The following FARP2 variants were observed in gnomAD, a reference collection of about 807,000 sequenced individuals.
FARP2 encodes the protein FERM, ARH/RhoGEF and pleckstrin domain protein 2.
A neutral mutation model predicts 130.5 loss-of-function variants in FARP2; 111 were observed. The ratio of observed to expected loss-of-function variants is 0.85; its 90% CI spans 0.73 to 1.00. The LOEUF is 1.00. Among genes scored for constraint, FARP2 ranks in the 50% least tolerant of loss-of-function variants. FARP2 has a pLI of 0.00. For missense variants in FARP2, 1,385 were observed against 1,346.3 expected (o/e 1.03, Z -0.45); for synonymous variants, 504 against 516.9 (o/e 0.98, Z 0.34).
intron 6 of FARP2, among the ~76,000 whole-genome samples, 171 bp from the exon 7 acceptor site, chr2:241,413,136 T>C (rs2062566872): frequency 6.6e-6 from 1 of 152,228 alleles, no homozygotes; most frequent in South Asian, 2.1e-4. Flanking sequence ...ATTTGCCTTT[T>C]AACAGCATAA....
At chr2:241,366,553 A>G (rs987177417) in intron 1 of FARP2, among the ~76,000 whole-genome samples, 3 of 152,094 alleles carry the variant, frequency 2.0e-5, no homozygotes, top group Non-Finnish European at 4.4e-5. Flanking sequence ...TCTGTGTACT[A>G]TGTTGCTGAA....
At chr2:241,404,616 G>A (rs906020683) in intron 3 of FARP2, among the ~76,000 whole-genome samples, 183 bp from the exon 4 acceptor site, 1 of 152,142 alleles carries the variant, frequency 6.6e-6, no homozygotes, top group Non-Finnish European at 1.5e-5. Flanking sequence ...TCCCAAAGCA[G>A]GCATTGCTGT....
At chr2:241,363,670 A>G (rs1049014247) in intron 1 of FARP2, among the ~76,000 whole-genome samples, 3 of 152,270 alleles carry the variant, frequency 2.0e-5, no homozygotes, top group Non-Finnish European at 4.4e-5. Flanking sequence ...TAGGGACCGC[A>G]GGACATTGCT....
intron 9 of FARP2, 106 bp from the exon 10 acceptor site, chr2:241,434,051 GA>G: frequency 1.1e-6 from 1 of 899,684 alleles, no homozygotes; most frequent in Non-Finnish European, 1.7e-6. Context: ...AAACCTTACT[GA>G]TTTTTAATTT....
chr2:241,425,428 A>G (rs907769234), intron 8 of FARP2, among the ~76,000 whole-genome samples: 17 of 152,110 alleles, frequency 1.1e-4, no homozygotes, highest in African/African-American at 9.7e-5. Context: ...TTTGCAGTCT[A>G]TCCATCCAAC....
chr2:241,378,843 A>G (rs1042539572), intron 2 of FARP2, among the ~76,000 whole-genome samples: 1 of 152,340 alleles, frequency 6.6e-6, no homozygotes, highest in Admixed American at 6.5e-5. Context: ...TTAATGGGAT[A>G]TTTAGCTAAT....
At chr2:241,429,701 T>C (rs1296491964) in intron 8 of FARP2, among the ~76,000 whole-genome samples, 1 of 150,934 alleles carries the variant, frequency 6.6e-6, no homozygotes, top group African/African-American at 2.4e-5. Flanking sequence ...CTGGGCAACA[T>C]AGCAAGACCC....
intron 8 of FARP2, 31 bp from the exon 9 acceptor site, chr2:241,431,647 CA>C: frequency 1.8e-6 from 2 of 1,119,572 alleles, no homozygotes; most frequent in Non-Finnish European, 2.7e-6. Flanking sequence ...GTGCCAGATA[CA>C]AATGTAATCT....
chr2:241,479,950 G>C (rs2064573145), intron 19 of FARP2, among the ~76,000 whole-genome samples: 1 of 152,208 alleles, frequency 6.6e-6, no homozygotes, highest in African/African-American at 2.4e-5. Context: ...CAGCCTTTCT[G>C]GGATGTTTGG....
Position 241,418,063 on chromosome 2 carries a change from C to G in FARP2, c.725C>G (p.Thr242Ser). The stretch of plus-strand genomic sequence containing the variant: ...CACATGGCTTCTGACAGGGAAGGAA[C>G]CAAGATTCAACTGGCAGTTTCCCAC... ...RFHMASDREG[T>S]KIQLAVSHMG... is the part of the protein sequence containing the mutation. Residue 242 changes from threonine to serine, a missense_variant, in exon 8 of 27, where the codon ACC becomes AGC. By Grantham distance (58) the Thr-to-Ser change is moderately conservative (BLOSUM62 1). Transcript: ENST00000264042. 1 of 1,614,116 alleles carries G rather than the reference C, an allele frequency of 6.2e-7. No individual in the cohort carries two copies. The highest frequency in any genetic ancestry group is 8.5e-7 in the Non-Finnish European group (1 of 1,180,032).
chr2:241,373,519 A>C (rs974979234), intron 2 of FARP2, among the ~76,000 whole-genome samples: 1 of 152,188 alleles, frequency 6.6e-6, no homozygotes, highest in African/African-American at 2.4e-5. Flanking sequence ...CTTTCTACTC[A>C]TCTTCTTTCG....
At chr2:241,390,160 A>G (rs1437793013) in intron 2 of FARP2, among the ~76,000 whole-genome samples, 1 of 152,194 alleles carries the variant, frequency 6.6e-6, no homozygotes, top group East Asian at 1.9e-4. Flanking sequence ...TGCCCCCACT[A>G]CAGATGCCCA....
intron 13 of FARP2, among the ~76,000 whole-genome samples, chr2:241,454,584 C>T (rs933912137): frequency 3.3e-5 from 5 of 152,312 alleles, no homozygotes; most frequent in African/African-American, 9.6e-5. Context: ...AAGTAATCCA[C>T]GCTTCAGGGG....
intron 21 of FARP2, among the ~76,000 whole-genome samples, chr2:241,484,696 G>A (rs1192904610): frequency 6.6e-6 from 1 of 152,204 alleles, no homozygotes; most frequent in Non-Finnish European, 1.5e-5. Context: ...TGACATCCAT[G>A]CCAGCCCTCT....
At chr2:241,406,387 G>A (rs1463879034) in intron 4 of FARP2, among the ~76,000 whole-genome samples, 1 of 150,242 alleles carries the variant, frequency 6.7e-6, no homozygotes. Flanking sequence ...ATATATGTAT[G>A]TGTGGGTATA....
At chr2:241,392,385 G>A (rs752230346) in intron 2 of FARP2, among the ~76,000 whole-genome samples, 2 of 152,218 alleles carry the variant, frequency 1.3e-5, no homozygotes, top group Non-Finnish European at 2.9e-5. Context: ...GGAATGGAAA[G>A]GCAATAAATA....
At chr2:241,404,928 C>T (rs2062293223) in intron 4 of FARP2, 87 bp downstream of exon 4, 1 of 967,540 alleles carries the variant, frequency 1.0e-6, no homozygotes, top group South Asian at 1.3e-5. Context: ...ACTGTTCATT[C>T]TCACCACCGT....
At chr2:241,463,867 T>C (rs759049515) in intron 16 of FARP2, 32 bp from the exon 17 acceptor site, 2 of 1,584,346 alleles carry the variant, frequency 1.3e-6, no homozygotes, top group Non-Finnish European at 1.7e-6. Flanking sequence ...GCTTTCACCA[T>C]GTTTAGGATG....
chr2:241,404,772 G>A (rs750219003), intron 3 of FARP2, 27 bp from the exon 4 acceptor site: 2 of 1,551,190 alleles, frequency 1.3e-6, no homozygotes, highest in Admixed American at 1.7e-5. Context: ...TTAATAGATT[G>A]GATTTCTTCT....
Sources: gnomAD v4.1 joint callset for allele counts (sites outside exome capture counted in the v4.1 genomes callset) on GRCh38, gnomAD v4.1.1 for gene constraint, MANE v1.5 for transcripts, NCBI Gene and HGNC (gene_info 2026-07-23, HGNC 2026-07-21) for gene names.